Variants in DAPK2 observed in about 807,000 individuals in gnomAD.
DAPK2 encodes the protein death associated protein kinase 2, also known as death-associated protein kinase 2.
A neutral mutation model predicts 44.1 loss-of-function variants in DAPK2; 35 were observed. That is an observed-to-expected ratio of 0.79 (90% CI 0.61 to 1.05). The LOEUF is 1.05. Among genes scored for constraint, DAPK2 ranks in the 50% least tolerant of loss-of-function variants. The pLI, the probability that DAPK2 is intolerant of heterozygous loss-of-function variation, is 0.00. For synonymous variants in DAPK2, 174 were observed against 182.6 expected (o/e 0.95, Z 0.38); for missense variants, 453 against 483.2 (o/e 0.94, Z 0.59).
chr15:64,009,866 G>T (rs1393375297), intron 1 of DAPK2, among the ~76,000 whole-genome samples: 1 of 152,154 alleles, frequency 6.6e-6, no homozygotes, highest in African/African-American at 2.4e-5. Flanking sequence ...AGCAGCTCAA[G>T]ACTTCGAGGT....
intron 2 of DAPK2, among the ~76,000 whole-genome samples, chr15:63,972,279 A>AT (rs2078233784): frequency 2.0e-5 from 3 of 152,206 alleles, no homozygotes; most frequent in Admixed American, 2.0e-4. Flanking sequence ...ACTGTAACAG[A>AT]CACCTAAAAA....
upstream of DAPK2, chr15:64,040,371 G>T: frequency 1.2e-6 from 1 of 845,378 alleles, no homozygotes; most frequent in Non-Finnish European, 2.0e-6. Flanking sequence ...TAATAATTTA[G>T]TAATAATCCA....
At chr15:63,965,220 TGCCTTGGTAG>T (rs1391592143) in intron 3 of DAPK2, among the ~76,000 whole-genome samples, 1 of 152,272 alleles carries the variant, frequency 6.6e-6, no homozygotes, top group Non-Finnish European at 1.5e-5. Flanking sequence ...GTAAAGGTAC[TGCCTTGGTAG>T]TTTTGGATAA....
intron 1 of DAPK2, among the ~76,000 whole-genome samples, chr15:64,037,888 G>A (rs1392445645): frequency 6.6e-6 from 1 of 152,124 alleles, no homozygotes; most frequent in East Asian, 1.9e-4. Context: ...GGCCTCCCCT[G>A]CTGCTTACTC....
chr15:64,014,639 GCTGGGCTTGGTGGCTCACGC>G (rs1396705715), intron 1 of DAPK2, among the ~76,000 whole-genome samples: 2 of 152,232 alleles, frequency 1.3e-5, no homozygotes, highest in African/African-American at 2.4e-5. Flanking sequence ...ATAAGACCTG[GCTGGGCTTGGTGGCTCACGC>G]CTGTAATCCT....
intron 3 of DAPK2, among the ~76,000 whole-genome samples, chr15:63,942,621 G>A (rs990019127): frequency 1.1e-4 from 16 of 151,934 alleles, no homozygotes; most frequent in Non-Finnish European, 2.4e-4. Flanking sequence ...GCAGGGCCAT[G>A]TTTCCCCCGC....
At chr15:63,931,869 G>A (rs1382749758) in intron 4 of DAPK2, among the ~76,000 whole-genome samples, 1 of 151,984 alleles carries the variant, frequency 6.6e-6, no homozygotes, top group Non-Finnish European at 1.5e-5. Flanking sequence ...TGCCCAGAGT[G>A]TCAAGAAGGT....
chr15:64,007,686 T>C (rs2079272497), intron 1 of DAPK2, among the ~76,000 whole-genome samples: 1 of 152,204 alleles, frequency 6.6e-6, no homozygotes, highest in African/African-American at 2.4e-5. Context: ...GAGTCCGACT[T>C]TTTTGGCACA....
At position 63,999,947 on chromosome 15, in the gene DAPK2, T is replaced by G. The variant is rs181745877; in HGVS notation, c.93-16193A>C. Among the ~76,000 whole-genome samples, 3 of 151,966 alleles carry G rather than the reference T, an allele frequency of 2.0e-5. No homozygotes were observed. In the East Asian group the frequency reaches 5.8e-4, roughly 29 times the overall value. ...ATGCCTGGCTAATTTTTATATTTTCTGTAGAGATGGGGTTTCGCCATGTTG... is the reference window on the plus strand; with the variant it reads ...ATGCCTGGCTAATTTTTATATTTTCGGTAGAGATGGGGTTTCGCCATGTTG... On this transcript the variant is annotated intron_variant, in intron 1 of 10. Coordinates refer to ENST00000261891, the Ensembl canonical transcript of DAPK2.
At chr15:63,977,826 C>G (rs2078395819) in intron 2 of DAPK2, among the ~76,000 whole-genome samples, 1 of 152,178 alleles carries the variant, frequency 6.6e-6, no homozygotes, top group African/African-American at 2.4e-5. Context: ...AGTGGCAGGA[C>G]CAGGATTTAG....
Position 63,976,534 on chromosome 15 carries a change from C to A in DAPK2, c.315-4973G>T, listed in dbSNP as rs530289462. 1.6e-3 allele frequency among the ~76,000 whole-genome samples: 241 copies of A among 151,468 alleles called. 1 individual carries two copies. Among genetic ancestry groups the A allele is most frequent in the African/African-American group, 5.7e-3 (233 of 41,210 alleles). On this transcript the variant is annotated intron_variant, in intron 2 of 10. Coordinates refer to ENST00000261891, the Ensembl canonical transcript of DAPK2. The stretch of plus-strand genomic sequence containing the variant: ...AGAAGTTCAAGACCAGCCTGGGCAA[C>A]ATAGTGAGACACTGTCTCTACAAAA...
At chr15:63,975,507 G>C (rs2078318974) in intron 2 of DAPK2, among the ~76,000 whole-genome samples, 1 of 152,012 alleles carries the variant, frequency 6.6e-6, no homozygotes, top group Non-Finnish European at 1.5e-5. Flanking sequence ...CTTGCCCACA[G>C]TCCCATAGCT....
chr15:63,992,520 C>T (rs28478668), intron 1 of DAPK2, among the ~76,000 whole-genome samples: 30,532 of 152,140 alleles, frequency 0.2, 3,145 homozygotes, highest in South Asian at 0.24. Flanking sequence ...ATTAGACAAA[C>T]GCAGATGAAA....
chr15:63,912,120 G>A lies in DAPK2; in HGVS notation c.936C>T (p.Arg312=). Residue 312 remains arginine, a synonymous_variant, in exon 9 of 11, where the codon CGC becomes CGT. Coordinates refer to ENST00000261891, the Ensembl canonical transcript of DAPK2. The surrounding 1 kb of genome is among the most constrained non-coding windows in gnomAD (Gnocchi z 4.4). ...ACCCTGGACACACCTTCCACCGCCT[G>A]CGGACATACTGCTTCCTGAAGTTCT... 6.2e-7 allele frequency: 1 copy of A among 1,611,204 alleles called. No homozygotes were observed. Among genetic ancestry groups the A allele is most frequent in the Non-Finnish European group, 8.5e-7 (1 of 1,179,706 alleles).
Position 63,923,298 on chromosome 15 carries a change from TGGGCTCTGTCTTCCGCTGTTCAG to T in DAPK2, c.858+1495_858+1517del, listed in dbSNP as rs1441807633. The stretch of plus-strand genomic sequence containing the variant: ...CTCAGGTGCTTGGTCTTCAGCTGGG[TGGGCTCTGTCTTCCGCTGTTCAG>T]GGGCTCTGCCTTCTCCTTTTGACTG... On this transcript the variant is annotated intron_variant, in intron 8 of 10. Coordinates refer to ENST00000261891, the Ensembl canonical transcript of DAPK2. The surrounding 1 kb of genome is among the most constrained non-coding windows in gnomAD (Gnocchi z 4.2). The T allele has an allele frequency of 1.4e-5, 21 of 1,535,772 alleles. No individual in the cohort carries two copies. In the Admixed American group the frequency reaches 4.1e-4, roughly 30 times the overall value.
intron 3 of DAPK2, among the ~76,000 whole-genome samples, chr15:63,968,586 T>C (rs1180008812): frequency 6.6e-6 from 1 of 152,184 alleles, no homozygotes; most frequent in African/African-American, 2.4e-5. Context: ...TTTCCTCTAT[T>C]CTGAGAAGGG....
chr15:63,922,712 C>T, intron 8 of DAPK2: 3 of 1,497,386 alleles, frequency 2.0e-6, no homozygotes, highest in Non-Finnish European at 2.7e-6. Flanking sequence ...TCTTGGGATG[C>T]ATCACTGACT....
At chr15:63,956,607 G>A (rs1234226338) in intron 3 of DAPK2, among the ~76,000 whole-genome samples, 3 of 147,662 alleles carry the variant, frequency 2.0e-5, no homozygotes, top group African/African-American at 7.5e-5. Context: ...TTTTTTTTTA[G>A]ATGGAGTCGC....
chr15:63,911,926 C>T, exon 10 of DAPK2: 1 of 1,613,848 alleles, frequency 6.2e-7, no homozygotes, highest in Non-Finnish European at 8.5e-7. Flanking sequence ...CATCCGGCCT[C>T]AGGTGCACCT....
Sources: gnomAD v4.1 joint callset for allele counts (sites outside exome capture counted in the v4.1 genomes callset) on GRCh38, gnomAD v4.1.1 for gene constraint, Gnocchi (gnomAD v3.1) non-coding constraint, MANE v1.5 for transcripts, NCBI Gene and HGNC (gene_info 2026-07-23, HGNC 2026-07-21) for gene names.